The following ZFP1 variants were observed in gnomAD, a reference collection of about 807,000 sequenced individuals.
ZFP1 encodes ZFP1 zinc finger protein.
A neutral mutation model predicts 38.5 loss-of-function variants in ZFP1; 32 were observed. The ratio of observed to expected loss-of-function variants is 0.83; its 90% CI spans 0.63 to 1.12. The LOEUF (loss-of-function observed/expected upper bound fraction) is 1.12. Ranked by LOEUF, ZFP1 falls within the 50% of genes most tolerant of loss-of-function variation. The pLI is 0.00. For missense variants in ZFP1, 616 were observed against 480.8 expected (o/e 1.28, Z -2.63); for synonymous variants, 245 against 168.8 (o/e 1.45, Z -3.50).
At chr16:75,153,725 A>G (rs1336078782) in intron 2 of ZFP1, among the ~76,000 whole-genome samples, 3 of 152,190 alleles carry the variant, frequency 2.0e-5, no homozygotes, top group South Asian at 2.1e-4. Flanking sequence ...AGTTTACAGT[A>G]GGGATCACTC....
At chr16:75,146,067 T>C (rs910066387), upstream of ZFP1, among the ~76,000 whole-genome samples, 2 of 152,158 alleles carry the variant, frequency 1.3e-5, no homozygotes, top group Non-Finnish European at 2.9e-5. Flanking sequence ...GCACAGTGGC[T>C]GAGTAAGCTA....
At chr16:75,144,827 TTTTTC>T (rs1325424778), upstream of ZFP1, among the ~76,000 whole-genome samples, 1 of 152,196 alleles carries the variant, frequency 6.6e-6, no homozygotes, top group Non-Finnish European at 1.5e-5. Context: ...CTTCTTTCTT[TTTTTC>T]TTTTCTTTTC....
chr16:75,164,598 G>A (rs2037961813), intron 2 of ZFP1, among the ~76,000 whole-genome samples: 2 of 152,028 alleles, frequency 1.3e-5, no homozygotes, highest in Non-Finnish European at 2.9e-5. Context: ...CCTGATACTT[G>A]ACATCTATTA....
At position 75,152,915 on chromosome 16, in the gene ZFP1, C is replaced by T. The variant is rs780982741; in HGVS notation, c.-37C>T. The T allele has an allele frequency of 7.4e-6, 12 of 1,612,668 alleles. No homozygotes were observed. In the East Asian group the frequency reaches 2.0e-4, roughly 27 times the overall value. ...CCTTTTTCCTCTATTCCAGTTCTGC[C>T]TTCATAGTTCTCTGCCTTTGCCCAA... On this transcript the variant is annotated 5_prime_UTR_variant, in exon 2 of 4. Transcript: ENST00000570010.
At chr16:75,142,339 C>T in the ZFP1 span, among the ~76,000 whole-genome samples, 9 of 151,474 alleles carry the variant, frequency 5.9e-5, no homozygotes, top group Middle Eastern at 3.4e-3. Context: ...TGCACTCCAG[C>T]CTGGTGACAG....
chr16:75,146,326 C>G (rs1323601661), upstream of ZFP1, among the ~76,000 whole-genome samples: 1 of 152,030 alleles, frequency 6.6e-6, no homozygotes, highest in Non-Finnish European at 1.5e-5. Flanking sequence ...CCACGCCCGG[C>G]TAATTTTTAT....
the ZFP1 span, among the ~76,000 whole-genome samples, chr16:75,138,521 C>T: frequency 1.3e-5 from 2 of 152,220 alleles, no homozygotes; most frequent in East Asian, 1.9e-4. Flanking sequence ...ATCACGTCCT[C>T]CCAAAGCTCA....
intron 2 of ZFP1, among the ~76,000 whole-genome samples, chr16:75,164,634 G>T (rs1351356182): frequency 6.6e-6 from 1 of 151,974 alleles, no homozygotes; most frequent in African/African-American, 2.4e-5. Context: ...TCTAGATCGG[G>T]GGTGTCAAAC....
chr16:75,128,185 TG>T, the ZFP1 span, among the ~76,000 whole-genome samples: 3 of 152,228 alleles, frequency 2.0e-5, no homozygotes, highest in African/African-American at 4.8e-5. Context: ...TCCTGACCTG[TG>T]GTAAGTAAAG....
upstream of ZFP1, among the ~76,000 whole-genome samples, chr16:75,146,162 A>ATT (rs201868781): frequency 5.6e-5 from 8 of 141,706 alleles, no homozygotes; most frequent in African/African-American, 1.0e-4. Flanking sequence ...AACCATGCTA[A>ATT]TTTTTTTTTT....
the ZFP1 span, among the ~76,000 whole-genome samples, chr16:75,124,025 C>T: frequency 4.6e-5 from 7 of 151,636 alleles, no homozygotes; most frequent in Non-Finnish European, 7.4e-5. Flanking sequence ...ACCCAGGAAG[C>T]AGAGGTTGCA....
the ZFP1 span, among the ~76,000 whole-genome samples, chr16:75,140,427 A>G: frequency 6.6e-6 from 1 of 152,132 alleles, no homozygotes; most frequent in African/African-American, 2.4e-5. Flanking sequence ...AAATTGAAAA[A>G]CAATGCACTG....
At chr16:75,124,477 G>A in the ZFP1 span, among the ~76,000 whole-genome samples, 1 of 146,398 alleles carries the variant, frequency 6.8e-6, no homozygotes, top group Non-Finnish European at 1.5e-5. Context: ...TAATTTAAAG[G>A]TCATGTATAA....
Position 75,169,740 on chromosome 16 carries a change from G to A in ZFP1, c.630G>A (p.Lys210=), listed in dbSNP as rs1423903751. The change falls in exon 4 of 4, where the codon AAG becomes AAA. Residue 210 remains lysine (K), a synonymous_variant. Transcript: ENST00000570010. ...ISHKRIHTGE[K]PYECNVCKKT... is the part of the protein sequence containing the mutation. ...ATAAGAGAATACATACTGGAGAAAA[G>A]CCATATGAATGCAATGTATGTAAGA... 8.7e-6 allele frequency: 14 copies of A among 1,613,218 alleles called. No homozygotes were observed. Among genetic ancestry groups the A allele is most frequent in the Non-Finnish European group, 1.2e-5 (14 of 1,179,626 alleles).
chr16:75,153,809 G>T lies in ZFP1; in HGVS notation c.15+843G>T, dbSNP rs1006246180. Among the ~76,000 whole-genome samples the T allele has an allele frequency of 3.9e-5, 6 of 152,224 alleles. No individual in the cohort carries two copies. In the South Asian group the frequency reaches 1.2e-3, roughly 32 times the overall value. ...ATCACTATGGCATCATACAGAATAG[G>T]TTCACTGCCCTGAAAATCCCGTGCT... On this transcript the variant is annotated intron_variant, in intron 2 of 3. Transcript: ENST00000570010.
At chr16:75,121,376 C>T in the ZFP1 span, among the ~76,000 whole-genome samples, 2 of 152,110 alleles carry the variant, frequency 1.3e-5, no homozygotes, top group African/African-American at 4.8e-5. Context: ...CCGCCCACCT[C>T]GGCCCCCCAA....
At chr16:75,124,090 T>A in the ZFP1 span, among the ~76,000 whole-genome samples, 1 of 151,062 alleles carries the variant, frequency 6.6e-6, no homozygotes, top group African/African-American at 2.4e-5. Context: ...TGAGACTCCA[T>A]CTCAAAAAAA....
chr16:75,123,310 T>C, the ZFP1 span, among the ~76,000 whole-genome samples: 1 of 150,530 alleles, frequency 6.6e-6, no homozygotes, highest in African/African-American at 2.4e-5. Flanking sequence ...ACCAAGATCA[T>C]GCCACTGCAC....
chr16:75,167,656 G>A (rs2038170227), intron 3 of ZFP1, among the ~76,000 whole-genome samples: 1 of 152,138 alleles, frequency 6.6e-6, no homozygotes, highest in Non-Finnish European at 1.5e-5. Context: ...CTAGAATCCA[G>A]TGGTGACATC....
Sources: allele counts gnomAD v4.1 joint callset (sites outside exome capture counted in the v4.1 genomes callset), GRCh38; gene constraint gnomAD v4.1.1; transcripts MANE v1.5; gene names NCBI Gene and HGNC (gene_info 2026-07-23, HGNC 2026-07-21).